Variants in TOGARAM1 observed in about 807,000 individuals in gnomAD.
The protein encoded by TOGARAM1 is TOG array regulator of axonemal microtubules protein 1.
Under a neutral mutation model 166.6 loss-of-function variants are expected in TOGARAM1, and 100 were observed. The observed-to-expected ratio is 0.60, with a 90% CI of 0.51 to 0.71. TOGARAM1 has a LOEUF of 0.71. TOGARAM1 is among the 30% of genes least tolerant of loss of function. TOGARAM1 has a pLI of 0.00. For missense variants in TOGARAM1, 2,029 were observed against 2,102.7 expected, an observed-to-expected ratio of 0.96 and a Z score of 0.69; for synonymous variants, 758 against 763.8, an observed-to-expected ratio of 0.99 and a Z score of 0.13.
chr14:45,037,306 C>G (rs1881484179), intron 11 of TOGARAM1, among the ~76,000 whole-genome samples: 1 of 152,202 alleles, frequency 6.6e-6, no homozygotes, highest in Non-Finnish European at 1.5e-5. Flanking sequence ...GGATAATCTC[C>G]CTTTTGATTA....
At chr14:45,026,720 C>T (rs1336812191) in intron 8 of TOGARAM1, among the ~76,000 whole-genome samples, 1 of 151,942 alleles carries the variant, frequency 6.6e-6, no homozygotes, top group Non-Finnish European at 1.5e-5. Context: ...CCAGCTCTGC[C>T]AGGTGCAGTG....
intron 1 of TOGARAM1, among the ~76,000 whole-genome samples, chr14:44,986,175 C>T (rs1886783698): frequency 6.6e-6 from 1 of 152,116 alleles, no homozygotes; most frequent in African/African-American, 2.4e-5. Flanking sequence ...GTACAGCTTG[C>T]ACAACTATAT....
chr14:44,973,792 T>TG (rs1433649688), intron 1 of TOGARAM1, among the ~76,000 whole-genome samples: 1 of 151,552 alleles, frequency 6.6e-6, no homozygotes, highest in Non-Finnish European at 1.5e-5. Context: ...TCTAAATTGA[T>TG]GGGTTTTTTT....
Position 45,068,591 on chromosome 14 carries a change from A to G in TOGARAM1, c.4917A>G (p.Pro1639=). The G allele has an allele frequency of 2.5e-6, 4 of 1,613,320 alleles. No individual in the cohort carries two copies. Among genetic ancestry groups the G allele is most frequent in the Non-Finnish European group, 3.4e-6 (4 of 1,179,638 alleles). ...ATAACAATCTGAATTCCAAGAATCC[A>G]GGCATCTATGCGGCTGCTACAAATG... ...IVDNNLNSKN[P]GIYAAATNVV... Residue 1639 remains proline (P), a synonymous_variant, in exon 18 of 20, where the codon CCA becomes CCG. Transcript: ENST00000361462.
At position 44,962,726 on chromosome 14, in the gene TOGARAM1, T is replaced by A. The variant is rs528677538; in HGVS notation, c.305T>A (p.Leu102His). ...GDEEDTRLLQ[L>H]LRTARDPSEA... ...GAAGAGGACACTCGGCTCCTTCAAC[T>A]CCTCCGCACTGCCCGGGATCCTTCT... The change falls in exon 1 of 20, where the codon CTC becomes CAC. Residue 102 changes from leucine (L) to histidine (H), a missense_variant. Transcript: ENST00000361462. 5.9e-5 allele frequency: 96 copies of A among 1,613,858 alleles called. No individual in the cohort carries two copies. The South Asian group carries it at 1.0e-3, about 18-fold the overall frequency.
chr14:45,034,645 G>GC (rs1257394943), intron 11 of TOGARAM1, among the ~76,000 whole-genome samples: 2 of 152,174 alleles, frequency 1.3e-5, no homozygotes, highest in Non-Finnish European at 2.9e-5. Context: ...TCAGAGTTTT[G>GC]CTCCATAGTG....
intron 1 of TOGARAM1, among the ~76,000 whole-genome samples, chr14:44,983,067 G>A (rs541698361): frequency 6.6e-6 from 1 of 152,262 alleles, no homozygotes; most frequent in East Asian, 1.9e-4. Flanking sequence ...CACCTGATTT[G>A]GAAGAGTCAG....
At chr14:44,996,707 T>C (rs1887429387) in intron 2 of TOGARAM1, 1 of 152,734 alleles carries the variant, frequency 6.5e-6, no homozygotes, top group African/African-American at 2.4e-5. Context: ...AATTGGCTCA[T>C]GGTTCTATGG....
chr14:44,995,603 G>T lies in TOGARAM1; in HGVS notation c.2047-143G>T, dbSNP rs1887374429. 7.4e-6 allele frequency: 5 copies of T among 674,940 alleles called. 1 individual carries two copies. In the South Asian group the frequency reaches 7.7e-5, roughly 10 times the overall value. 41.8% of individuals were successfully genotyped at this position (674,940 alleles called of 1,614,324 possible). On this transcript the variant is annotated intron_variant, in intron 1 of 19. Coordinates refer to ENST00000361462, the MANE Select transcript of TOGARAM1 (RefSeq NM_001308120.2). ...CTGTTGGTGTACCCGACTAAATATGGATGTTTATCTGTATCATTATATATT... is the reference window on the plus strand; with the variant it reads ...CTGTTGGTGTACCCGACTAAATATGTATGTTTATCTGTATCATTATATATT...
At chr14:44,974,333 G>T (rs11850346) in intron 1 of TOGARAM1, among the ~76,000 whole-genome samples, 5,407 of 151,858 alleles carry the variant, frequency 0.036, 334 homozygotes, top group African/African-American at 0.12. Context: ...CAGTGTTTTT[G>T]ATTTCTAGGT....
At chr14:45,020,575 A>G (rs972633583) in intron 7 of TOGARAM1, among the ~76,000 whole-genome samples, 1 of 152,216 alleles carries the variant, frequency 6.6e-6, no homozygotes, top group Admixed American at 6.5e-5. Context: ...TAGGTACGAC[A>G]TAATTGTATA....
At chr14:44,974,495 A>G (rs981743032) in intron 1 of TOGARAM1, among the ~76,000 whole-genome samples, 5 of 152,078 alleles carry the variant, frequency 3.3e-5, no homozygotes, top group Non-Finnish European at 7.4e-5. Flanking sequence ...GCCATATCCA[A>G]TTCTAGTTAT....
intron 6 of TOGARAM1, among the ~76,000 whole-genome samples, chr14:45,009,368 C>G (rs1879658091): frequency 6.6e-6 from 1 of 152,178 alleles, no homozygotes; most frequent in Admixed American, 6.5e-5. Flanking sequence ...ACCAGAGCAC[C>G]TAAATTAGTA....
intron 1 of TOGARAM1, among the ~76,000 whole-genome samples, chr14:44,989,882 G>A (rs1233422090): frequency 6.6e-6 from 1 of 152,174 alleles, no homozygotes; most frequent in African/African-American, 2.4e-5. Context: ...GGAGGCCTCA[G>A]GAAACTTACA....
intron 13 of TOGARAM1, among the ~76,000 whole-genome samples, chr14:45,045,545 A>ATGTG (rs1566660089): frequency 6.7e-4 from 18 of 26,858 alleles, no homozygotes; most frequent in African/African-American, 1.4e-3. Context: ...CTGTGTGTGT[A>ATGTG]TATATATATA....
chr14:45,032,585 C>T (rs1014838847), intron 11 of TOGARAM1, among the ~76,000 whole-genome samples: 2 of 152,106 alleles, frequency 1.3e-5, no homozygotes, highest in African/African-American at 2.4e-5. Context: ...AGCTTACATG[C>T]CATAAACATA....
intron 1 of TOGARAM1, among the ~76,000 whole-genome samples, chr14:44,992,821 G>A (rs1446386930): frequency 6.6e-6 from 1 of 151,488 alleles, no homozygotes; most frequent in African/African-American, 2.4e-5. Flanking sequence ...TTTTCACCGT[G>A]TTAGCCAGGA....
At chr14:45,054,409 C>A in intron 15 of TOGARAM1, 22 bp from the exon 16 acceptor site, 1 of 1,445,776 alleles carries the variant, frequency 6.9e-7, no homozygotes, top group Non-Finnish European at 9.5e-7. Context: ...TTGTATTATA[C>A]TAATTTTATA....
chr14:45,044,830 C>G lies in TOGARAM1; in HGVS notation c.4114C>G (p.Pro1372Ala). 1 of 1,613,492 alleles carries G rather than the reference C, an allele frequency of 6.2e-7. No homozygotes were observed. The highest frequency in any genetic ancestry group is 8.5e-7 in the Non-Finnish European group (1 of 1,179,704). The change falls in exon 13 of 20, where the codon CCT becomes GCT. Residue 1372 changes from proline to alanine, a missense_variant. Transcript: ENST00000361462. ...ALRAMVNNVT[P>A]ARAVVSLING... Reference sequence around the variant, plus strand: ...GAGAGCTATGGTTAATAATGTAACTCCTGCACGTGCAGTTGTTTCTCTTAT... The same window carrying G: ...GAGAGCTATGGTTAATAATGTAACTGCTGCACGTGCAGTTGTTTCTCTTAT...
Sources: allele counts gnomAD v4.1 joint callset (sites outside exome capture counted in the v4.1 genomes callset), GRCh38; gene constraint gnomAD v4.1.1; transcripts MANE v1.5; gene names NCBI Gene and HGNC (gene_info 2026-07-23, HGNC 2026-07-21).